GLRB: variants seen among roughly 807,000 people sequenced by gnomAD.
GLRB encodes glycine receptor subunit beta.
Under a neutral mutation model 54.2 loss-of-function variants are expected in GLRB, and 33 were observed. The ratio of observed to expected loss-of-function variants is 0.61; its 90% CI spans 0.46 to 0.81. GLRB has a LOEUF of 0.81. Among genes scored for constraint, GLRB ranks in the 40% least tolerant of loss-of-function variants. GLRB has a pLI of 0.00. For missense variants in GLRB, 572 were observed against 584.6 expected (o/e 0.98, Z 0.22); for synonymous variants, 209 against 208.2 (o/e 1.00, Z -0.03).
At chr4:157,122,661 C>A (rs1735874632) in intron 4 of GLRB, among the ~76,000 whole-genome samples, 2 of 151,720 alleles carry the variant, frequency 1.3e-5, no homozygotes, top group African/African-American at 4.8e-5. Flanking sequence ...TGATTGGATA[C>A]AACCTGGAGA....
intron 8 of GLRB, among the ~76,000 whole-genome samples, chr4:157,146,780 T>C (rs1353584713): frequency 1.3e-5 from 2 of 151,698 alleles, no homozygotes; most frequent in Non-Finnish European, 2.9e-5. Context: ...GAGATTGCAC[T>C]ACTGCACTCC....
At chr4:157,168,811 A>G (rs1221222408) in intron 9 of GLRB, among the ~76,000 whole-genome samples, 1 of 152,168 alleles carries the variant, frequency 6.6e-6, no homozygotes, top group Non-Finnish European at 1.5e-5. Context: ...CAACATTTGT[A>G]TGCTAGCTTA....
At chr4:157,158,166 C>G (rs1320094291) in intron 9 of GLRB, among the ~76,000 whole-genome samples, 1 of 151,864 alleles carries the variant, frequency 6.6e-6, no homozygotes, top group African/African-American at 2.4e-5. Flanking sequence ...TATCCTTTGC[C>G]CACTTTTTGA....
Position 157,093,710 on chromosome 4 carries a change from G to A in GLRB, c.122+15564G>A, listed in dbSNP as rs369709956. Among the ~76,000 whole-genome samples the A allele has an allele frequency of 3.0e-4, 44 of 145,260 alleles. 1 individual carries two copies. Among genetic ancestry groups the A allele is most frequent in the Middle Eastern group, 3.8e-3 (1 of 262 alleles). On this transcript the variant is annotated intron_variant, in intron 2 of 9. Coordinates refer to ENST00000264428, the MANE Select transcript of GLRB (RefSeq NM_000824.5). ...GCGGAGGTTGCAGTGAGCTGAGATC[G>A]TGCCACTGCACTCCAGGCTGGGCGA...
At chr4:157,082,300 A>T (rs933448701) in intron 2 of GLRB, among the ~76,000 whole-genome samples, 1 of 152,172 alleles carries the variant, frequency 6.6e-6, no homozygotes, top group Non-Finnish European at 1.5e-5. Flanking sequence ...GTGCCCCCAC[A>T]GTTCCCCAAT....
intron 9 of GLRB, among the ~76,000 whole-genome samples, chr4:157,153,363 TAATG>T (rs545439319): frequency 1.2e-3 from 182 of 152,306 alleles, no homozygotes; most frequent in Non-Finnish European, 2.2e-3. Flanking sequence ...CAATGTATCT[TAATG>T]AAAGGCCCGA....
intron 4 of GLRB, among the ~76,000 whole-genome samples, chr4:157,132,908 T>G (rs1459266202): frequency 6.6e-6 from 1 of 151,970 alleles, no homozygotes; most frequent in African/African-American, 2.4e-5. Flanking sequence ...CAGTGAAATC[T>G]GAATAATAGT....
At chr4:157,091,483 A>T (rs1734612284) in intron 2 of GLRB, 1 of 152,218 alleles carries the variant, frequency 6.6e-6, no homozygotes, top group Non-Finnish European at 1.5e-5. Context: ...AACATAGTGG[A>T]AAAAAGTAAA....
At chr4:157,151,134 T>C (rs1424399723) in intron 8 of GLRB, among the ~76,000 whole-genome samples, 1 of 152,116 alleles carries the variant, frequency 6.6e-6, no homozygotes, top group East Asian at 1.9e-4. Flanking sequence ...TAAAATTTAA[T>C]ATCTTCTAGG....
At chr4:157,141,965 G>A (rs1368356001) in intron 7 of GLRB, among the ~76,000 whole-genome samples, 1 of 151,982 alleles carries the variant, frequency 6.6e-6, no homozygotes, top group East Asian at 1.9e-4. Flanking sequence ...TAATATTTGT[G>A]ACAACTGAGA....
At position 157,138,640 on chromosome 4, in the gene GLRB, A is replaced by G. The variant is rs1394744999; in HGVS notation, c.611-169A>G. On this transcript the variant is annotated intron_variant, in intron 6 of 9. Transcript: ENST00000264428. ...GAATATCTTTAACTCTTGTACTAGT[A>G]CTTCCATTAGTGACCATGGGTTTTA... is the stretch of plus-strand genomic sequence containing the variant. 2.6e-5 allele frequency among the ~76,000 whole-genome samples: 4 copies of G among 152,174 alleles called. No homozygotes were observed. The East Asian group carries it at 7.7e-4, about 29-fold the overall frequency.
intron 2 of GLRB, among the ~76,000 whole-genome samples, chr4:157,112,322 T>A (rs542713431): frequency 1.3e-3 from 193 of 151,736 alleles, no homozygotes; most frequent in Non-Finnish European, 1.9e-3. Context: ...CCATTTTTTT[T>A]ATATCAGAAT....
intron 8 of GLRB, among the ~76,000 whole-genome samples, chr4:157,151,419 A>G (rs1331122396): frequency 6.6e-6 from 1 of 152,066 alleles, no homozygotes; most frequent in East Asian, 1.9e-4. Context: ...GAGACAGTTA[A>G]TGTAAGACCT....
chr4:157,097,647 T>A (rs1167036920), intron 2 of GLRB, among the ~76,000 whole-genome samples: 1 of 152,198 alleles, frequency 6.6e-6, no homozygotes, highest in Non-Finnish European at 1.5e-5. Context: ...ATATAAATCT[T>A]AATGGTATGG....
chr4:157,136,711 A>G lies in GLRB; in HGVS notation c.527+13A>G. The G allele has an allele frequency of 6.5e-7, 1 of 1,539,060 alleles. No individual in the cohort carries two copies. The highest frequency in any genetic ancestry group is 1.4e-5 in the African/African-American group (1 of 73,484). On this transcript the variant is annotated intron_variant, in intron 5 of 9. Coordinates refer to ENST00000264428, the MANE Select transcript of GLRB (RefSeq NM_000824.5). ...TTGTCAGCATGAGGTACTCTTTTATATTTCATATTTGTGCATTTATATTTT... is the reference window on the plus strand; with the variant it reads ...TTGTCAGCATGAGGTACTCTTTTATGTTTCATATTTGTGCATTTATATTTT...
intron 2 of GLRB, among the ~76,000 whole-genome samples, chr4:157,118,773 T>G (rs1412174460): frequency 1.3e-5 from 2 of 151,774 alleles, no homozygotes; most frequent in African/African-American, 2.4e-5. Context: ...TAAAGACTTT[T>G]GATTTCAATA....
chr4:157,089,692 T>G (rs537181120), intron 2 of GLRB, among the ~76,000 whole-genome samples: 1 of 152,172 alleles, frequency 6.6e-6, no homozygotes, highest in African/African-American at 2.4e-5. Flanking sequence ...TTTAGCTTCT[T>G]GCTTATCAAT....
intron 4 of GLRB, 68 bp from the exon 5 acceptor site, chr4:157,136,401 T>G (rs1736399206): frequency 1.1e-6 from 1 of 901,094 alleles, no homozygotes; most frequent in Non-Finnish European, 1.8e-6. Context: ...CTTTTTGTTT[T>G]GGGGCCGAAT....
intron 4 of GLRB, among the ~76,000 whole-genome samples, chr4:157,125,636 A>T (rs1735990241): frequency 1.3e-5 from 2 of 151,760 alleles, no homozygotes; most frequent in Non-Finnish European, 1.5e-5. Context: ...GGATGTACAA[A>T]AATAAAGGAA....
Sources: gnomAD v4.1 joint callset for allele counts (sites outside exome capture counted in the v4.1 genomes callset) on GRCh38, gnomAD v4.1.1 for gene constraint, MANE v1.5 for transcripts, NCBI Gene and HGNC (gene_info 2026-07-23, HGNC 2026-07-21) for gene names.